ZBTB20: variants seen among roughly 807,000 people sequenced by gnomAD.
ZBTB20 encodes zinc finger and BTB domain-containing protein 20.
ZBTB20 carries 9 observed loss-of-function variants against 56.9 expected under a neutral mutation model. The ratio of observed to expected loss-of-function variants is 0.16; its 90% CI spans 0.10 to 0.28. The LOEUF (loss-of-function observed/expected upper bound fraction) is 0.28, where lower values mean the gene tolerates loss of function less well. Among genes scored for constraint, ZBTB20 ranks in the 10% least tolerant of loss-of-function variants. The probability of loss-of-function intolerance (pLI) is 1.00; values close to 1 mark genes in which losing one functional copy is unlikely to be tolerated. For missense variants in ZBTB20, 655 were observed against 1,003.0 expected, an observed-to-expected ratio of 0.65 and a Z score of 4.69; for synonymous variants, 417 against 420.7, an observed-to-expected ratio of 0.99 and a Z score of 0.11.
At chr3:115,131,679 T>TA (rs2084510767) in intron 1 of ZBTB20, among the ~76,000 whole-genome samples, 1 of 152,210 alleles carries the variant, frequency 6.6e-6, no homozygotes, top group Non-Finnish European at 1.5e-5. Flanking sequence ...ATGCAAATTA[T>TA]AATTTTAATA....
chr3:114,425,507 ATTTC>A (rs776896646), intron 7 of ZBTB20, among the ~76,000 whole-genome samples: 8 of 152,088 alleles, frequency 5.3e-5, no homozygotes, highest in Admixed American at 4.6e-4. Context: ...GCTCAAAATG[ATTTC>A]TTTCTATGTC....
chr3:115,116,911 T>C (rs915018312), intron 1 of ZBTB20, among the ~76,000 whole-genome samples: 6 of 152,112 alleles, frequency 3.9e-5, no homozygotes, highest in Non-Finnish European at 7.4e-5. Flanking sequence ...GAATATGTTA[T>C]GTGCTCAACA....
intron 2 of ZBTB20, among the ~76,000 whole-genome samples, chr3:115,016,237 T>G (rs1229113389): frequency 6.6e-6 from 1 of 152,054 alleles, no homozygotes; most frequent in Non-Finnish European, 1.5e-5. Flanking sequence ...ATGGGTAGAA[T>G]GCAAAAATTT....
At chr3:114,618,238 CTTT>C (rs111549198) in intron 6 of ZBTB20, among the ~76,000 whole-genome samples, 4 of 119,290 alleles carry the variant, frequency 3.4e-5, no homozygotes, top group Non-Finnish European at 3.3e-5. Context: ...TGTTTCTTTC[CTTT>C]TTTTTTTTTT....
chr3:114,440,497 C>G (rs2090840764), intron 7 of ZBTB20, among the ~76,000 whole-genome samples: 1 of 152,024 alleles, frequency 6.6e-6, no homozygotes, highest in African/African-American at 2.4e-5. Context: ...CTCTTACTTT[C>G]TTCTTCTCTC....
In ZBTB20 at chr3:114,339,756, G is replaced by A. The variant is rs536774058; in HGVS notation, c.1805-330C>T. Among the ~76,000 whole-genome samples, 2 of 152,272 alleles carry A rather than the reference G, an allele frequency of 1.3e-5. No individual in the cohort carries two copies. Among genetic ancestry groups the A allele is most frequent in the South Asian group, 4.1e-4 (2 of 4,822 alleles). On this transcript the variant is annotated intron_variant, in intron 11 of 11. Transcript: ENST00000675478. This position sits in a 1 kb window ranked among gnomAD's most constrained non-coding sequence, Gnocchi z 4.2. ...GAAAAGGGAGGGCTACTTTTGAAGG[G>A]GGTCACTTTCAGTGTCCTGATTAGG...
intron 1 of ZBTB20, among the ~76,000 whole-genome samples, chr3:115,142,592 A>G (rs2084844641): frequency 6.7e-6 from 1 of 149,674 alleles, no homozygotes; most frequent in Non-Finnish European, 1.5e-5. Context: ...TGAATCTGGG[A>G]GGGGAGGCTG....
At chr3:114,530,101 A>T (rs1202035604) in intron 6 of ZBTB20, among the ~76,000 whole-genome samples, 2 of 152,238 alleles carry the variant, frequency 1.3e-5, no homozygotes, top group Admixed American at 1.3e-4. Context: ...TTTAAAACAT[A>T]AATTTAGTGT....
intron 4 of ZBTB20, among the ~76,000 whole-genome samples, chr3:114,864,649 T>C (rs1037272351): frequency 6.6e-5 from 10 of 152,126 alleles, no homozygotes; most frequent in African/African-American, 2.4e-4. Context: ...AAATATTGCC[T>C]GCTTTGAGAA....
At chr3:114,525,625 T>C (rs1267145504) in intron 6 of ZBTB20, among the ~76,000 whole-genome samples, 1 of 152,190 alleles carries the variant, frequency 6.6e-6, no homozygotes, top group African/African-American at 2.4e-5. Context: ...ATTTTCTAAT[T>C]GTTTCATATG....
chr3:114,854,389 G>A (rs1211852640), intron 4 of ZBTB20, among the ~76,000 whole-genome samples: 1 of 152,072 alleles, frequency 6.6e-6, no homozygotes, highest in African/African-American at 2.4e-5. Context: ...TAGTTGTTTA[G>A]CCAAGGTACT....
rs1197567379 is a variant in ZBTB20, at chr3:114,336,355, A to T, written c.*2650T>A. ...TTAGTCTTACAACACTGCTATTTTAAAAAGCAAAATTAGCAATAGAAAAAT... is the reference window on the plus strand; with the variant it reads ...TTAGTCTTACAACACTGCTATTTTATAAAGCAAAATTAGCAATAGAAAAAT... On this transcript the variant is annotated 3_prime_UTR_variant, in exon 12 of 12. Transcript: ENST00000675478. 4 of 152,184 alleles carry T rather than the reference A, an allele frequency of 2.6e-5. No homozygotes were observed. Among genetic ancestry groups the T allele is most frequent in the Non-Finnish European group, 5.9e-5 (4 of 68,016 alleles). 9.4% of individuals were successfully genotyped at this position (152,184 alleles called of 1,614,324 possible). A position where few individuals can be genotyped will look rare whatever the true frequency, so the allele number is the denominator to read the frequency against.
chr3:114,985,314 T>C (rs1165874208), intron 2 of ZBTB20, among the ~76,000 whole-genome samples: 2 of 152,032 alleles, frequency 1.3e-5, no homozygotes, highest in African/African-American at 4.8e-5. Flanking sequence ...ATGTGCAAGG[T>C]AGTTCTTTTT....
rs111239529 is a variant in ZBTB20 at position 114,551,586 on chromosome 3, A to G, written c.-294-51195T>C. 2.0e-3 allele frequency among the ~76,000 whole-genome samples: 298 copies of G among 152,328 alleles called. 1 individual carries two copies. Among genetic ancestry groups the G allele is most frequent in the Non-Finnish European group, 3.6e-3 (247 of 68,028 alleles). On this transcript the variant is annotated intron_variant, in intron 6 of 11. Coordinates refer to ENST00000675478, the MANE Select transcript of ZBTB20 (RefSeq NM_001348800.3). ...TTGATATATGGAAATGAAGATAGAG[A>G]TATACATAAGCAACAAAGTGAAGAA...
chr3:114,633,659 C>T (rs2059091095), intron 6 of ZBTB20, among the ~76,000 whole-genome samples: 1 of 152,074 alleles, frequency 6.6e-6, no homozygotes, highest in African/African-American at 2.4e-5. Flanking sequence ...TTTCTAATCA[C>T]TAAAAGGGGA....
At chr3:114,874,085 A>G (rs1449534297) in intron 4 of ZBTB20, 2 of 152,216 alleles carry the variant, frequency 1.3e-5, no homozygotes, top group Non-Finnish European at 2.9e-5. Flanking sequence ...CAGTTTGTGA[A>G]GATGAGCTGT....
intron 6 of ZBTB20, among the ~76,000 whole-genome samples, chr3:114,682,233 A>G (rs2062018290): frequency 6.6e-6 from 1 of 152,202 alleles, no homozygotes; most frequent in African/African-American, 2.4e-5. Context: ...AAAAGGGTAT[A>G]TATGCACAGG....
At position 114,335,577 on chromosome 3, in the gene ZBTB20, A is replaced by G. The variant is rs2079426161; in HGVS notation, c.*3428T>C. On this transcript the variant is annotated 3_prime_UTR_variant, in exon 12 of 12. Coordinates refer to ENST00000675478, the MANE Select transcript of ZBTB20 (RefSeq NM_001348800.3). ...TTTGATGGGCCAGGAACATAGCAAT[A>G]AACAACTACCTCTTTGCTCCTCCAG... 6.6e-6 allele frequency: 1 copy of G among 152,198 alleles called. No homozygotes were observed. The highest frequency in any genetic ancestry group is 2.1e-4 in the South Asian group (1 of 4,832). The allele number at this position is 152,198 out of a possible 1,614,324, so 9.4% of individuals were successfully genotyped here.
At chr3:114,761,555 C>T (rs2068439619) in intron 5 of ZBTB20, among the ~76,000 whole-genome samples, 1 of 152,064 alleles carries the variant, frequency 6.6e-6, no homozygotes, top group South Asian at 2.1e-4. Flanking sequence ...GAAAATAAGT[C>T]CGGGCACGGT....
Sources: allele counts gnomAD v4.1 joint callset (sites outside exome capture counted in the v4.1 genomes callset), GRCh38; gene constraint gnomAD v4.1.1; non-coding constraint Gnocchi (gnomAD v3.1); transcripts MANE v1.5; gene names NCBI Gene and HGNC (gene_info 2026-07-23, HGNC 2026-07-21).